The following DDO variants were observed in gnomAD, a reference collection of about 807,000 sequenced individuals.
DDO encodes D-aspartate oxidase, DDO.
In DDO, 16 loss-of-function variants were observed where a neutral mutation model predicts 16.8. The observed-to-expected ratio is 0.95, with a 90% CI of 0.65 to 1.45. The LOEUF (loss-of-function observed/expected upper bound fraction) is 1.45, where lower values mean the gene tolerates loss of function less well. DDO is among the 40% of genes most tolerant of loss of function. The probability of loss-of-function intolerance (pLI) is 0.00; values close to 1 mark genes in which losing one functional copy is unlikely to be tolerated. For synonymous variants in DDO, 180 were observed against 167.2 expected, an observed-to-expected ratio of 1.08 and a Z score of -0.59; for missense variants, 429 against 420.3, an observed-to-expected ratio of 1.02 and a Z score of -0.18.
chr6:110,400,344 G>GGGGA (rs1303613533), intron 4 of DDO, among the ~76,000 whole-genome samples: 6 of 87,212 alleles, frequency 6.9e-5, no homozygotes, highest in South Asian at 3.1e-4. Context: ...GGAGCGGGCC[G>GGGGA]GGGCGGGGAC....
chr6:110,398,429 T>TACACACAAACACACCA lies in DDO; in HGVS notation c.459-5088_459-5087insTGGTGTGTTTGTGTGT, dbSNP rs1222174948. On this transcript the variant is annotated intron_variant, in intron 4 of 4. Coordinates refer to ENST00000368924, the MANE Select transcript of DDO (RefSeq NM_001372108.2). ...ACACACACACACACACACACACACT[T>TACACACAAACACACCA]GGCCTCCCAGGAGCAGAGTCCCCTC... Among the ~76,000 whole-genome samples, 627 of 144,854 alleles carry TACACACAAACACACCA rather than the reference T, an allele frequency of 4.3e-3. 9 individuals are homozygous for TACACACAAACACACCA. The highest frequency in any genetic ancestry group is 0.015 in the African/African-American group (568 of 37,800).
At chr6:110,404,624 T>G in intron 4 of DDO, 150 bp downstream of exon 4, 1 of 710,260 alleles carries the variant, frequency 1.4e-6, no homozygotes, top group Non-Finnish European at 2.3e-6. Flanking sequence ...TCAGATTGTT[T>G]TACAAAGCCC....
chr6:110,393,391 CT>C (rs1280373034), intron 4 of DDO, 49 bp from the exon 5 acceptor site: 1 of 1,504,074 alleles, frequency 6.6e-7, no homozygotes, highest in South Asian at 1.3e-5. Flanking sequence ...ACCTGATCAA[CT>C]ACTTCCAGGA....
chr6:110,390,715 C>T (rs1183157974), downstream of DDO, among the ~76,000 whole-genome samples: 1 of 152,198 alleles, frequency 6.6e-6, no homozygotes, highest in African/African-American at 2.4e-5. Flanking sequence ...GAAATTCTAC[C>T]TATTCTGAAC....
At chr6:110,397,198 G>T (rs1484419099) in intron 4 of DDO, among the ~76,000 whole-genome samples, 1 of 152,116 alleles carries the variant, frequency 6.6e-6, no homozygotes, top group Non-Finnish European at 1.5e-5. Context: ...CACTATAGCT[G>T]CTCAATAAAG....
intron 2 of DDO, among the ~76,000 whole-genome samples, chr6:110,412,897 A>G (rs949655298): frequency 1.3e-5 from 2 of 152,216 alleles, no homozygotes; most frequent in Non-Finnish European, 2.9e-5. Flanking sequence ...TAATCCTAGC[A>G]CTTTGGGAGG....
downstream of DDO, among the ~76,000 whole-genome samples, chr6:110,389,083 AAAG>A (rs1176723050): frequency 6.6e-6 from 1 of 152,252 alleles, no homozygotes; most frequent in Non-Finnish European, 1.5e-5. Context: ...TAAGCTAAGT[AAAG>A]AAGATTATCT....
At chr6:110,394,878 CA>C (rs1442581613) in intron 4 of DDO, among the ~76,000 whole-genome samples, 4 of 152,198 alleles carry the variant, frequency 2.6e-5, no homozygotes, top group African/African-American at 4.8e-5. Flanking sequence ...TCGTCAATCA[CA>C]ATACATCTTA....
intron 4 of DDO, among the ~76,000 whole-genome samples, chr6:110,397,058 G>C (rs1204620996): frequency 6.6e-6 from 1 of 152,100 alleles, no homozygotes; most frequent in African/African-American, 2.4e-5. Context: ...TATGACCTCG[G>C]CCAAGTTATT....
At chr6:110,395,179 C>T (rs1373795104) in intron 4 of DDO, among the ~76,000 whole-genome samples, 1 of 152,118 alleles carries the variant, frequency 6.6e-6, no homozygotes, top group Non-Finnish European at 1.5e-5. Flanking sequence ...CAGAGTAAAG[C>T]TAATTGCCTT....
intron 2 of DDO, among the ~76,000 whole-genome samples, chr6:110,412,858 C>A (rs1460288871): frequency 1.3e-5 from 2 of 152,164 alleles, no homozygotes; most frequent in African/African-American, 2.4e-5. Flanking sequence ...GATGTTAAAA[C>A]CGCACATTAT....
intron 3 of DDO, 69 bp from the exon 4 acceptor site, chr6:110,405,019 T>C (rs1773602920): frequency 3.6e-6 from 5 of 1,395,920 alleles, no homozygotes; most frequent in Non-Finnish European, 5.0e-6. Context: ...AAACTTCACA[T>C]GACATTCTCT....
In DDO at chr6:110,403,562, A is replaced by C. The variant is rs567487784; in HGVS notation, c.458+1212T>G. Among the ~76,000 whole-genome samples, 26 of 152,346 alleles carry C rather than the reference A, an allele frequency of 1.7e-4. No homozygotes were observed. The South Asian group carries it at 2.5e-3, about 15-fold the overall frequency. ...GCTGGTGAACAAGGCCAGAAAAGGCATGGGTTTTATGAAACTAGAACTTAC... is the reference window on the plus strand; with the variant it reads ...GCTGGTGAACAAGGCCAGAAAAGGCCTGGGTTTTATGAAACTAGAACTTAC... On this transcript the variant is annotated intron_variant, in intron 4 of 4. Coordinates refer to ENST00000368924, the MANE Select transcript of DDO (RefSeq NM_001372108.2).
At chr6:110,405,287 C>G (rs1407764152) in intron 3 of DDO, among the ~76,000 whole-genome samples, 1 of 152,234 alleles carries the variant, frequency 6.6e-6, no homozygotes, top group Non-Finnish European at 1.5e-5. Flanking sequence ...ATCCACCCAC[C>G]TTGGCCTCCC....
Position 110,393,037 on chromosome 6 carries a change from A to C in DDO, c.764T>G (p.Leu255Arg), listed in dbSNP as rs17623. 1.9e-3 allele frequency: 3,018 copies of C among 1,611,752 alleles called. 60 individuals carry two copies. In the African/African-American group the frequency reaches 0.036, roughly 19 times the overall value. ...GGGCTCCAGAGCACAGCATCGGGAA[A>C]GAATCTCTCTGCTATTTTCTGCATC... ...SPDAENSREI[L>R]SRCCALEPSL... Residue 255 changes from leucine to arginine, a missense_variant, in exon 5 of 5, where the codon CTT becomes CGT. Physicochemically the swap from Leu to Arg is moderately radical, Grantham distance 102 (BLOSUM62 -2). Coordinates refer to ENST00000368924, the MANE Select transcript of DDO (RefSeq NM_001372108.2).
intron 4 of DDO, among the ~76,000 whole-genome samples, chr6:110,401,880 CA>C (rs1212197994): frequency 2.6e-5 from 4 of 152,206 alleles, no homozygotes; most frequent in African/African-American, 9.6e-5. Flanking sequence ...AGTAACCTCA[CA>C]GTAGAGATAA....
At chr6:110,404,414 A>G (rs1773578442) in intron 4 of DDO, among the ~76,000 whole-genome samples, 1 of 152,258 alleles carries the variant, frequency 6.6e-6, no homozygotes, top group South Asian at 2.1e-4. Flanking sequence ...AGTAAATCAT[A>G]TCATTCTGTA....
rs1773118660 is a variant in DDO at position 110,392,130 on chromosome 6, C to T, written c.*645G>A. On this transcript the variant is annotated 3_prime_UTR_variant, in exon 5 of 5. Coordinates refer to ENST00000368924, the MANE Select transcript of DDO (RefSeq NM_001372108.2). ...GGGGAGGAAAAGCTTGCTGCTAGTA[C>T]TAGGAGCAAGCATGCTTTGTCTTCA... The T allele has an allele frequency of 1.0e-6, 1 of 965,586 alleles. No homozygotes were observed. The highest frequency in any genetic ancestry group is 1.8e-5 in the African/African-American group (1 of 56,818). 59.8% of individuals were successfully genotyped at this position (965,586 alleles called of 1,614,324 possible).
Position 110,393,003 on chromosome 6 carries a change from G to A in DDO, c.798C>T (p.His266=), listed in dbSNP as rs145423307. 30 of 1,610,796 alleles carry A rather than the reference G, an allele frequency of 1.9e-5. No individual in the cohort carries two copies. The African/African-American group carries it at 2.0e-4, about 11-fold the overall frequency. ...CCTTCTCCCTGATGTTGCAGGCTCCGTGGAGGGAGGGCTCCAGAGCACAGC... is the reference window on the plus strand; with the variant it reads ...CCTTCTCCCTGATGTTGCAGGCTCCATGGAGGGAGGGCTCCAGAGCACAGC... The part of the protein sequence containing the change: ...SRCCALEPSL[H]GACNIREKVG... The change falls in exon 5 of 5, where the codon CAC becomes CAT. Residue 266 remains histidine, a synonymous_variant. Coordinates refer to ENST00000368924, the MANE Select transcript of DDO (RefSeq NM_001372108.2).
Sources: gnomAD v4.1 joint callset for allele counts (sites outside exome capture counted in the v4.1 genomes callset) on GRCh38, gnomAD v4.1.1 for gene constraint, MANE v1.5 for transcripts, NCBI Gene and HGNC (gene_info 2026-07-23, HGNC 2026-07-21) for gene names.